Variants in C10orf143 observed in about 807,000 individuals in gnomAD.
C10orf143 encodes chromosome 10 open reading frame 143.
chr10:130,094,068 C>T (rs1030026037), intron 1 of C10orf143, among the ~76,000 whole-genome samples: 8 of 147,542 alleles, frequency 5.4e-5, no homozygotes, highest in Non-Finnish European at 1.2e-4. Context: ...CACAGAAATA[C>T]AAACTACCAT....
At chr10:130,058,580 A>ACT (rs1860820955) in intron 3 of C10orf143, among the ~76,000 whole-genome samples, 1 of 144,078 alleles carries the variant, frequency 6.9e-6, no homozygotes, top group Non-Finnish European at 1.5e-5. Flanking sequence ...TTTAAACAGC[A>ACT]TTTTTTTTTT....
At chr10:130,086,373 T>C (rs1861292262) in intron 1 of C10orf143, among the ~76,000 whole-genome samples, 1 of 152,270 alleles carries the variant, frequency 6.6e-6, no homozygotes, top group Non-Finnish European at 1.5e-5. Flanking sequence ...CTGATTTCCA[T>C]GGAATATGTA....
intron 3 of C10orf143, among the ~76,000 whole-genome samples, chr10:130,057,897 C>T (rs1028493514): frequency 7.2e-5 from 11 of 152,148 alleles, no homozygotes; most frequent in Non-Finnish European, 1.5e-5. Flanking sequence ...GCAGAGGAGC[C>T]CCAGGCAGGC....
At chr10:130,041,146 C>T (rs563695557) in intron 3 of C10orf143, among the ~76,000 whole-genome samples, 33 of 152,332 alleles carry the variant, frequency 2.2e-4, no homozygotes, top group Admixed American at 6.5e-4. Flanking sequence ...CCTGAACGGC[C>T]GTCTTGCCAG....
chr10:130,074,176 G>A (rs1241600193), intron 3 of C10orf143, among the ~76,000 whole-genome samples: 1 of 152,180 alleles, frequency 6.6e-6, no homozygotes, highest in Non-Finnish European at 1.5e-5. Context: ...AAGCAGAGGG[G>A]GCTCCAAGCA....
chr10:130,100,361 G>A (rs1358939844), intron 1 of C10orf143, among the ~76,000 whole-genome samples: 1 of 151,692 alleles, frequency 6.6e-6, no homozygotes, highest in African/African-American at 2.4e-5. Context: ...GAAATCCCAT[G>A]TCTACTAAAA....
At chr10:130,050,509 G>A (rs1027346102) in intron 3 of C10orf143, among the ~76,000 whole-genome samples, 7 of 152,230 alleles carry the variant, frequency 4.6e-5, no homozygotes, top group Non-Finnish European at 1.0e-4. Flanking sequence ...AGATAACGGA[G>A]CAAGACCCTG....
intron 1 of C10orf143, chr10:130,107,169 A>G (rs753595341): frequency 2.7e-4 from 416 of 1,565,336 alleles, no homozygotes; most frequent in Non-Finnish European, 3.5e-4. Context: ...GAGAATCAGA[A>G]GCTTCAACAG....
chr10:130,082,931 A>C (rs1201995286), intron 1 of C10orf143, among the ~76,000 whole-genome samples: 1 of 152,212 alleles, frequency 6.6e-6, no homozygotes, highest in Non-Finnish European at 1.5e-5. Flanking sequence ...AAGTTTGACT[A>C]TATGAAAATA....
At chr10:130,040,740 G>A (rs1391738229) in intron 3 of C10orf143, among the ~76,000 whole-genome samples, 2 of 152,024 alleles carry the variant, frequency 1.3e-5, no homozygotes, top group Admixed American at 1.3e-4. Flanking sequence ...GGCTGGGGCA[G>A]CAGAATTGTT....
chr10:130,045,427 C>A (rs1409445182), intron 3 of C10orf143, among the ~76,000 whole-genome samples: 1 of 152,180 alleles, frequency 6.6e-6, no homozygotes, highest in East Asian at 1.9e-4. Flanking sequence ...ACGAACCATA[C>A]AGCCCCAACT....
intron 3 of C10orf143, among the ~76,000 whole-genome samples, chr10:130,047,125 G>T (rs1341669837): frequency 6.6e-6 from 1 of 152,206 alleles, no homozygotes; most frequent in Admixed American, 6.5e-5. Context: ...CCAATATCCA[G>T]ATGGGCTCCA....
chr10:130,041,167 T>G (rs1293721953), intron 3 of C10orf143, among the ~76,000 whole-genome samples: 1 of 152,200 alleles, frequency 6.6e-6, no homozygotes, highest in Non-Finnish European at 1.5e-5. Context: ...GGAGAAGCTG[T>G]GTTTGAGATA....
At chr10:130,100,548 A>T (rs1245647748) in intron 1 of C10orf143, among the ~76,000 whole-genome samples, 1 of 152,176 alleles carries the variant, frequency 6.6e-6, no homozygotes, top group Non-Finnish European at 1.5e-5. Context: ...GAACAGACAC[A>T]GATGTTAAAT....
chr10:130,065,906 G>A lies in C10orf143; in HGVS notation c.298-1523C>T, dbSNP rs958782820. The A allele has an allele frequency of 6.6e-6, 1 of 152,196 alleles. No individual in the cohort carries two copies. Among genetic ancestry groups the A allele is most frequent in the African/African-American group, 2.4e-5 (1 of 41,418 alleles). 9.4% of individuals were successfully genotyped at this position (152,196 alleles called of 1,614,324 possible). On this transcript the variant is annotated intron_variant, in intron 3 of 3. Coordinates refer to ENST00000637128, the MANE Select transcript of C10orf143 (RefSeq NM_001355042.2). This position sits in a 1 kb window ranked among gnomAD's most constrained non-coding sequence, Gnocchi z 4.2. Reference sequence around the variant, plus strand: ...TGGGAGGCTCACTTGGAGGTGCCGTGGGGTGCGCAGACCCAGGAGGCAGCA... The same window carrying A: ...TGGGAGGCTCACTTGGAGGTGCCGTAGGGTGCGCAGACCCAGGAGGCAGCA...
intron 3 of C10orf143, among the ~76,000 whole-genome samples, chr10:130,038,828 C>A (rs2134720258): frequency 6.6e-6 from 1 of 152,294 alleles, no homozygotes; most frequent in African/African-American, 2.4e-5. Flanking sequence ...ACTGTGTATG[C>A]TTTTTCCTGC....
At chr10:130,037,534 C>T (rs963028318) in intron 3 of C10orf143, among the ~76,000 whole-genome samples, 3 of 152,198 alleles carry the variant, frequency 2.0e-5, no homozygotes, top group Non-Finnish European at 2.9e-5. Context: ...AGCCACCCAC[C>T]GAGGGAGGTG....
downstream of C10orf143, among the ~76,000 whole-genome samples, chr10:130,063,641 C>T (rs1271697281): frequency 3.9e-5 from 6 of 152,130 alleles, no homozygotes; most frequent in East Asian, 1.9e-4. Context: ...ACATCAGTGC[C>T]GAGGACACTC....
At chr10:130,101,886 C>T (rs953648621) in intron 1 of C10orf143, among the ~76,000 whole-genome samples, 614 of 99,482 alleles carry the variant, frequency 6.2e-3, no homozygotes, top group Non-Finnish European at 9.0e-3. Context: ...AAAAAAAAAA[C>T]TTTTTCAGAA....
Sources: gnomAD v4.1 joint callset for allele counts (sites outside exome capture counted in the v4.1 genomes callset) on GRCh38, gnomAD v4.1.1 for gene constraint, Gnocchi (gnomAD v3.1) non-coding constraint, MANE v1.5 for transcripts, NCBI Gene and HGNC (gene_info 2026-07-23, HGNC 2026-07-21) for gene names.